Variants in YTHDF3 observed in about 807,000 individuals in gnomAD.
YTHDF3 encodes YTH domain-containing family protein 3.
A neutral mutation model predicts 52.5 loss-of-function variants in YTHDF3; 9 were observed. The observed-to-expected ratio is 0.17, with a 90% CI of 0.10 to 0.30. YTHDF3 has a LOEUF of 0.30. Ranked by LOEUF, YTHDF3 falls within the 10% of genes least tolerant of loss-of-function variation. The pLI, the probability that YTHDF3 is intolerant of heterozygous loss-of-function variation, is 1.00. For missense variants in YTHDF3, 534 were observed against 715.0 expected (o/e 0.75, Z 2.89); for synonymous variants, 274 against 243.3 (o/e 1.13, Z -1.18).
In YTHDF3 at chr8:63,168,790, C is replaced by G. The variant is rs1265352678; in HGVS notation, c.-88C>G. The G allele has an allele frequency of 6.5e-7, 1 of 1,546,966 alleles. No homozygotes were observed. The highest frequency in any genetic ancestry group is 1.4e-5 in the African/African-American group (1 of 72,710). On this transcript the variant is annotated 5_prime_UTR_variant, in exon 1 of 5. Coordinates refer to ENST00000539294, the MANE Select transcript of YTHDF3 (RefSeq NM_152758.6). ...AGCGGCGGCGGCTGGAACAATCACT[C>G]GGCCAAGGGCGACAGCCAACTGCTG...
chr8:63,209,844 T>C lies in YTHDF3; in HGVS notation c.*138T>C, dbSNP rs1481785880. On this transcript the variant is annotated 3_prime_UTR_variant, in exon 5 of 5. Coordinates refer to ENST00000539294, the MANE Select transcript of YTHDF3 (RefSeq NM_152758.6). ...GAACACTTTAACACAAAGTTGACTC[T>C]TCTCGTAATGGTTTTCATCAGCGCA... 1.2e-6 allele frequency: 1 copy of C among 831,206 alleles called. No homozygotes were observed. The highest frequency in any genetic ancestry group is 1.7e-5 in the African/African-American group (1 of 57,562). The allele number at this position is 831,206 out of a possible 1,614,324, so 51.5% of individuals were successfully genotyped here. A position where few individuals can be genotyped will look rare whatever the true frequency, so the allele number is the denominator to read the frequency against.
intron 3 of YTHDF3, 89 bp downstream of exon 3, chr8:63,175,505 C>A: frequency 9.5e-7 from 1 of 1,054,904 alleles, no homozygotes; most frequent in Non-Finnish European, 1.4e-6. Context: ...ATGAGATTAA[C>A]CATAACATGG....
At chr8:63,169,929 T>C (rs1442045647) in intron 2 of YTHDF3, among the ~76,000 whole-genome samples, 1 of 152,246 alleles carries the variant, frequency 6.6e-6, no homozygotes, top group Non-Finnish European at 1.5e-5. Flanking sequence ...CATCTTGCTC[T>C]ATTGTTCTGA....
At position 63,197,908 on chromosome 8, in the gene YTHDF3, T is replaced by C. The variant is rs115158101; in HGVS notation, c.1734+10163T>C. On this transcript the variant is annotated intron_variant, in intron 4 of 4. Coordinates refer to ENST00000539294, the MANE Select transcript of YTHDF3 (RefSeq NM_152758.6). ...AATTTTTCCATTGTTGTAGTGAATG[T>C]GAGTCATTTAAATCCCCCTGTATTC... Among the ~76,000 whole-genome samples, 1,215 of 152,360 alleles carry C rather than the reference T, an allele frequency of 8.0e-3. 24 individuals are homozygous for C. The highest frequency in any genetic ancestry group is 0.028 in the African/African-American group (1,171 of 41,592).
At chr8:63,176,715 T>C (rs1235681042) in intron 3 of YTHDF3, among the ~76,000 whole-genome samples, 2 of 152,058 alleles carry the variant, frequency 1.3e-5, no homozygotes, top group Non-Finnish European at 2.9e-5. Context: ...TCTTGTTTTG[T>C]TGCCCAGGCT....
At chr8:63,203,234 C>T (rs1340546465) in intron 4 of YTHDF3, among the ~76,000 whole-genome samples, 2 of 133,716 alleles carry the variant, frequency 1.5e-5, no homozygotes, top group Non-Finnish European at 3.0e-5. Flanking sequence ...CAAGAGTGAA[C>T]TCTGTCTCAA....
intron 4 of YTHDF3, among the ~76,000 whole-genome samples, chr8:63,199,261 AATT>A (rs1225796360): frequency 1.3e-5 from 2 of 152,190 alleles, no homozygotes; most frequent in Non-Finnish European, 2.9e-5. Flanking sequence ...AATTGGACAG[AATT>A]TCATTTATAG....
chr8:63,198,350 T>A (rs1809371191), intron 4 of YTHDF3, among the ~76,000 whole-genome samples: 1 of 152,120 alleles, frequency 6.6e-6, no homozygotes, highest in Non-Finnish European at 1.5e-5. Context: ...CACTGCAGTC[T>A]CCACCTTCGG....
chr8:63,186,176 A>G lies in YTHDF3; in HGVS notation c.165A>G (p.Pro55=). 1 of 1,613,874 alleles carries G rather than the reference A, an allele frequency of 6.2e-7. No homozygotes were observed. Among genetic ancestry groups the G allele is most frequent in the Non-Finnish European group, 8.5e-7 (1 of 1,179,772 alleles). The change falls in exon 4 of 5, where the codon CCA becomes CCG. Residue 55 remains proline, a synonymous_variant. Transcript: ENST00000539294. ...ACAGCTATCCACCAATGTCAGATCC[A>G]TACATGCCTAGTTACTATGCTCCAT... is the stretch of plus-strand genomic sequence containing the variant. The part of the protein sequence containing the change: ...QSNSYPPMSD[P]YMPSYYAPSI...
intron 3 of YTHDF3, among the ~76,000 whole-genome samples, chr8:63,182,176 C>T (rs1482515258): frequency 6.6e-6 from 1 of 151,290 alleles, no homozygotes; most frequent in African/African-American, 2.4e-5. Context: ...CCAAGCGATC[C>T]TCCCACCTCA....
chr8:63,204,574 A>G (rs1362513942), intron 4 of YTHDF3, among the ~76,000 whole-genome samples: 2 of 151,802 alleles, frequency 1.3e-5, no homozygotes, highest in Admixed American at 6.6e-5. Flanking sequence ...GTTGGTCAGG[A>G]TGGTCTCGAA....
At chr8:63,172,806 A>G (rs1191795725) in intron 2 of YTHDF3, 8 of 1,231,376 alleles carry the variant, frequency 6.5e-6, no homozygotes, top group Middle Eastern at 3.1e-4. Flanking sequence ...CATGTAAGTC[A>G]TCTGTTCTTT....
intron 4 of YTHDF3, among the ~76,000 whole-genome samples, chr8:63,193,850 C>T (rs1809069997): frequency 6.6e-6 from 1 of 152,140 alleles, no homozygotes; most frequent in Non-Finnish European, 1.5e-5. Flanking sequence ...TGTAGATCAA[C>T]AAGACCTCTT....
At chr8:63,196,379 T>A (rs1422420301) in intron 4 of YTHDF3, among the ~76,000 whole-genome samples, 1 of 151,554 alleles carries the variant, frequency 6.6e-6, no homozygotes, top group East Asian at 1.9e-4. Context: ...GTGGCCAACA[T>A]GGTGAAACGC....
chr8:63,199,127 T>C (rs1246358802), intron 4 of YTHDF3, among the ~76,000 whole-genome samples: 1 of 152,200 alleles, frequency 6.6e-6, no homozygotes, highest in African/African-American at 2.4e-5. Flanking sequence ...AATTAACATA[T>C]TGATTTGTTT....
At chr8:63,201,715 CTT>C (rs1239432482) in intron 4 of YTHDF3, among the ~76,000 whole-genome samples, 14 of 152,138 alleles carry the variant, frequency 9.2e-5, no homozygotes, top group Non-Finnish European at 1.6e-4. Context: ...TTAGAAATAA[CTT>C]GAGGGAATTA....
At chr8:63,177,757 T>G (rs74782735) in intron 3 of YTHDF3, among the ~76,000 whole-genome samples, 87 of 151,736 alleles carry the variant, frequency 5.7e-4, no homozygotes, top group Non-Finnish European at 1.0e-3. Context: ...GTTCAAACTC[T>G]TATTTTTTTT....
intron 4 of YTHDF3, among the ~76,000 whole-genome samples, chr8:63,201,946 C>A (rs1245843883): frequency 2.6e-5 from 4 of 152,186 alleles, no homozygotes; most frequent in African/African-American, 9.7e-5. Context: ...TCTCCCAGCA[C>A]ACATCTTGTA....
intron 3 of YTHDF3, among the ~76,000 whole-genome samples, chr8:63,177,948 A>T (rs1807814406): frequency 6.6e-6 from 1 of 151,978 alleles, no homozygotes; most frequent in Non-Finnish European, 1.5e-5. Context: ...AGGAGAGGTG[A>T]GGTTTCACCA....
Sources: gnomAD v4.1 joint callset for allele counts (sites outside exome capture counted in the v4.1 genomes callset) on GRCh38, gnomAD v4.1.1 for gene constraint, MANE v1.5 for transcripts, NCBI Gene and HGNC (gene_info 2026-07-23, HGNC 2026-07-21) for gene names.